The following RORA variants were observed in gnomAD, a reference collection of about 807,000 sequenced individuals.
RORA encodes the protein nuclear receptor ROR-alpha.
Under a neutral mutation model 69.5 loss-of-function variants are expected in RORA, and 7 were observed. That is an observed-to-expected ratio of 0.10 (90% CI 0.06 to 0.19). The LOEUF (loss-of-function observed/expected upper bound fraction) is 0.19. Ranked by LOEUF, RORA falls within the 10% of genes least tolerant of loss-of-function variation. RORA has a pLI of 1.00. For missense variants in RORA, 457 were observed against 663.0 expected (o/e 0.69, Z 3.41); for synonymous variants, 261 against 240.8 (o/e 1.08, Z -0.78).
chr15:60,602,483 A>C (rs1277405021), intron 2 of RORA, among the ~76,000 whole-genome samples: 1 of 152,246 alleles, frequency 6.6e-6, no homozygotes, highest in Non-Finnish European at 1.5e-5. Context: ...TGCAGATTTC[A>C]GCACTTGTCA....
At chr15:60,523,588 C>T (rs533345934) in intron 3 of RORA, among the ~76,000 whole-genome samples, 4 of 152,180 alleles carry the variant, frequency 2.6e-5, no homozygotes, top group South Asian at 2.1e-4. Flanking sequence ...CTCTCCATCA[C>T]GTTGTTTCAA....
At chr15:60,656,079 A>G (rs2070217228) in intron 2 of RORA, among the ~76,000 whole-genome samples, 3 of 152,212 alleles carry the variant, frequency 2.0e-5, no homozygotes, top group African/African-American at 7.2e-5. Flanking sequence ...GTTCAGAGAA[A>G]AATTGATGAT....
intron 1 of RORA, among the ~76,000 whole-genome samples, chr15:60,722,097 A>G (rs1207077280): frequency 6.6e-6 from 1 of 152,264 alleles, no homozygotes. Flanking sequence ...TATCAAAGAA[A>G]TAACATCAGT....
intron 2 of RORA, among the ~76,000 whole-genome samples, chr15:60,544,365 T>C (rs538914428): frequency 1.3e-5 from 2 of 152,284 alleles, no homozygotes; most frequent in South Asian, 4.1e-4. Flanking sequence ...TTCATTTTCA[T>C]TGGTTTAGGA....
chr15:60,640,783 T>C (rs2069930814), intron 2 of RORA, among the ~76,000 whole-genome samples: 1 of 152,142 alleles, frequency 6.6e-6, no homozygotes. Flanking sequence ...AAATGTTCCC[T>C]CCTAAAATTT....
chr15:60,721,278 A>C (rs2071290230), intron 1 of RORA, among the ~76,000 whole-genome samples: 1 of 152,238 alleles, frequency 6.6e-6, no homozygotes, highest in South Asian at 2.1e-4. Context: ...ATTAACAAAA[A>C]ATCAGAGTGA....
Position 60,837,449 on chromosome 15 carries a change from G to A in RORA, c.167-158763C>T, listed in dbSNP as rs148359507. 2.5e-3 allele frequency among the ~76,000 whole-genome samples: 380 copies of A among 152,276 alleles called. 1 individual carries two copies. Among genetic ancestry groups the A allele is most frequent in the African/African-American group, 8.5e-3 (355 of 41,554 alleles). On this transcript the variant is annotated intron_variant, in intron 1 of 10. Coordinates refer to ENST00000335670, the MANE Select transcript of RORA (RefSeq NM_134261.3). The stretch of plus-strand genomic sequence containing the variant: ...TGCACATATATCAATCAATGCGCAC[G>A]CAGCACACTGCCAACCTCACCCCTC...
At chr15:60,541,585 AG>A (rs1394568515) in intron 2 of RORA, among the ~76,000 whole-genome samples, 2 of 152,202 alleles carry the variant, frequency 1.3e-5, no homozygotes, top group Non-Finnish European at 1.5e-5. Context: ...GCTATTTCTT[AG>A]TAGGAAAGGG....
chr15:61,067,772 T>C (rs889291204), intron 1 of RORA, among the ~76,000 whole-genome samples: 6 of 152,236 alleles, frequency 3.9e-5, no homozygotes, highest in Admixed American at 1.3e-4. Flanking sequence ...TCCAAGTTTA[T>C]GCAGTCCTGC....
intron 1 of RORA, among the ~76,000 whole-genome samples, chr15:61,173,137 A>T (rs1288955230): frequency 6.6e-6 from 1 of 151,974 alleles, no homozygotes; most frequent in African/African-American, 2.4e-5. Context: ...CTGTACGAGG[A>T]TCCTCTCATG....
chr15:61,184,986 CAAAAAAA>C lies in RORA; in HGVS notation c.166+44060_166+44066del, dbSNP rs775960162. ...GGCAAAGGAGCGAGACCCTGTCTCT[CAAAAAAA>C]AAAAAAAAAAAGAAGAAGAAGAAGA... On this transcript the variant is annotated intron_variant, in intron 1 of 10. Coordinates refer to ENST00000335670, the MANE Select transcript of RORA (RefSeq NM_134261.3). Among the ~76,000 whole-genome samples, 74 of 59,672 alleles carry C rather than the reference CAAAAAAA, an allele frequency of 1.2e-3. 1 individual carries two copies. The highest frequency in any genetic ancestry group is 1.8e-3 in the Non-Finnish European group (56 of 31,244). The allele number at this position is 59,672 out of a possible 152,430, so 39.1% of individuals were successfully genotyped here. A position where few individuals can be genotyped will look rare whatever the true frequency, so the allele number is the denominator to read the frequency against.
rs1254269277 is a variant in RORA, at chr15:61,229,067, G to A, written c.152C>T (p.Ser51Phe). 3 of 1,532,978 alleles carry A rather than the reference G, an allele frequency of 2.0e-6. No homozygotes were observed. Among genetic ancestry groups the A allele is most frequent in the East Asian group, 2.5e-5 (1 of 39,304 alleles). 95.0% of individuals were successfully genotyped at this position (1,532,978 alleles called of 1,614,324 possible). Residue 51 changes from serine (S) to phenylalanine (F), a missense_variant, in exon 1 of 11, where the codon TCC (serine) becomes TTC (phenylalanine). Ser to Phe is a radical substitution (Grantham distance 155). This residue lies in a region of RORA where 119 missense variants were observed against 92.4 expected (regional missense o/e 1.29). Transcript: ENST00000335670. ...CAGCCTCCTACCTCTGCTGGTGCTG[G>A]AATAGCTCTGTCTGCGCACCGGGGC... ...PPAPVRRQSYSSTSRGISVTK... is the reference protein window; with the variant it reads ...PPAPVRRQSYFSTSRGISVTK...
chr15:60,932,227 G>A lies in RORA; in HGVS notation c.167-253541C>T, dbSNP rs560815670. Among the ~76,000 whole-genome samples the A allele has an allele frequency of 7.2e-5, 11 of 152,246 alleles. No homozygotes were observed. The South Asian group carries it at 2.1e-3, about 29-fold the overall frequency. On this transcript the variant is annotated intron_variant, in intron 1 of 10. Coordinates refer to ENST00000335670, the MANE Select transcript of RORA (RefSeq NM_134261.3). Reference sequence around the variant, plus strand: ...GGGACCTGAGAAGGTGGGGTTGCTTGAGAAGCAGTAAAGCTTCTCAAAGAA... The same window carrying A: ...GGGACCTGAGAAGGTGGGGTTGCTTAAGAAGCAGTAAAGCTTCTCAAAGAA...
chr15:61,107,231 T>C (rs991850897), intron 1 of RORA, among the ~76,000 whole-genome samples: 1 of 152,204 alleles, frequency 6.6e-6, no homozygotes, highest in Admixed American at 6.5e-5. Context: ...GCAGGCTCTT[T>C]TTGCATGACT....
At chr15:60,840,512 C>A (rs976557694) in intron 1 of RORA, among the ~76,000 whole-genome samples, 1 of 152,256 alleles carries the variant, frequency 6.6e-6, no homozygotes, top group East Asian at 1.9e-4. Flanking sequence ...CCCACTCTCA[C>A]CAGCAGAGGC....
chr15:60,907,574 T>C (rs1403918790), intron 1 of RORA, among the ~76,000 whole-genome samples: 1 of 152,210 alleles, frequency 6.6e-6, no homozygotes, highest in Non-Finnish European at 1.5e-5. Flanking sequence ...AGGCCATATG[T>C]GGAAATTTAA....
chr15:60,972,433 G>A (rs1311781464), intron 1 of RORA, among the ~76,000 whole-genome samples: 1 of 152,220 alleles, frequency 6.6e-6, no homozygotes, highest in Non-Finnish European at 1.5e-5. Context: ...GTTGGAACAA[G>A]CACATAAACT....
At chr15:60,861,521 T>C (rs1000755174) in intron 1 of RORA, among the ~76,000 whole-genome samples, 2 of 152,116 alleles carry the variant, frequency 1.3e-5, no homozygotes, top group Non-Finnish European at 2.9e-5. Flanking sequence ...TTTTTATAGA[T>C]AGATTGACTG....
At chr15:60,798,295 G>A (rs2072527432) in intron 1 of RORA, among the ~76,000 whole-genome samples, 2 of 150,426 alleles carry the variant, frequency 1.3e-5, no homozygotes. Context: ...TACAAAATAT[G>A]TATGGAATAT....
Sources: gnomAD v4.1 joint callset for allele counts (sites outside exome capture counted in the v4.1 genomes callset) on GRCh38, gnomAD v4.1.1 for gene constraint, gnomAD v4.1.1 regional missense constraint, MANE v1.5 for transcripts, NCBI Gene and HGNC (gene_info 2026-07-23, HGNC 2026-07-21) for gene names.